Variants in KCNJ12 observed in about 807,000 individuals in gnomAD.
The protein encoded by KCNJ12 is potassium inwardly rectifying channel subfamily J member 12.
KCNJ12 carries 2 observed loss-of-function variants against 22.3 expected under a neutral mutation model. The observed-to-expected ratio is 0.09, with a 90% CI of 0.04 to 0.28. The LOEUF (loss-of-function observed/expected upper bound fraction) is 0.28, where lower values mean the gene tolerates loss of function less well. KCNJ12 is among the 10% of genes least tolerant of loss of function. The pLI, the probability that KCNJ12 is intolerant of heterozygous loss-of-function variation, is 1.00. For synonymous variants in KCNJ12, 117 were observed against 261.4 expected, an observed-to-expected ratio of 0.45 and a Z score of 5.33; for missense variants, 155 against 633.3, an observed-to-expected ratio of 0.24 and a Z score of 8.11.
intron 1 of KCNJ12, among the ~76,000 whole-genome samples, chr17:21,397,610 C>T (rs373306949): frequency 6.1e-4 from 93 of 152,324 alleles, no homozygotes; most frequent in Middle Eastern, 3.4e-3. Flanking sequence ...GCACTGGCCA[C>T]GGGCAGCGTG....
chr17:21,389,540 A>G (rs1320250), intron 1 of KCNJ12, among the ~76,000 whole-genome samples: 48,684 of 152,100 alleles, frequency 0.32, 10,593 homozygotes, highest in African/African-American at 0.62. Context: ...GGAGTAAGTC[A>G]ATGACTTACT....
intron 1 of KCNJ12, among the ~76,000 whole-genome samples, chr17:21,384,342 T>A (rs1904999644): frequency 6.6e-6 from 1 of 152,130 alleles, no homozygotes; most frequent in Non-Finnish European, 1.5e-5. Context: ...TGGGTTCTTT[T>A]CGTTGTCATT....
At chr17:21,377,429 GT>G (rs1567694282) in intron 1 of KCNJ12, among the ~76,000 whole-genome samples, 3 of 151,574 alleles carry the variant, frequency 2.0e-5, no homozygotes, top group Non-Finnish European at 2.9e-5. Context: ...CTCACCTCCC[GT>G]GCTGTAATGG....
At chr17:21,403,164 G>T (rs1489191778) in intron 1 of KCNJ12, among the ~76,000 whole-genome samples, 5 of 152,430 alleles carry the variant, frequency 3.3e-5, no homozygotes, top group Middle Eastern at 3.4e-3. Context: ...GAGAGGCAGA[G>T]AAAGGCATTT....
intron 1 of KCNJ12, among the ~76,000 whole-genome samples, chr17:21,391,611 ACTT>A (rs1212994245): frequency 4.0e-5 from 6 of 151,444 alleles, no homozygotes; most frequent in South Asian, 2.1e-4. Context: ...CTCCTCCTCC[ACTT>A]CTTCTTTGGA....
At chr17:21,407,810 TTCA>T (rs1906059847) in intron 1 of KCNJ12, among the ~76,000 whole-genome samples, 1 of 3,838 alleles carries the variant, frequency 2.6e-4, no homozygotes. Flanking sequence ...CACTCATCCA[TTCA>T]CCCATTCATC....
At chr17:21,404,645 A>T (rs2142065676) in intron 1 of KCNJ12, among the ~76,000 whole-genome samples, 1 of 152,364 alleles carries the variant, frequency 6.6e-6, no homozygotes, top group Middle Eastern at 3.4e-3. Flanking sequence ...CTAGGACTTA[A>T]CGGAGCCCAG....
At chr17:21,402,965 C>T (rs1905713378) in intron 1 of KCNJ12, among the ~76,000 whole-genome samples, 1 of 152,302 alleles carries the variant, frequency 6.6e-6, no homozygotes, top group Non-Finnish European at 1.5e-5. Context: ...GCCTCATTTC[C>T]TCCTCTCAAA....
Position 21,416,146 on chromosome 17 carries a change from C to T in KCNJ12, c.804C>T (p.Ile268=), listed in dbSNP as rs140687028. The T allele has an allele frequency of 1.6e-3, 2,661 of 1,613,364 alleles. No individual in the cohort carries two copies. The African/African-American group carries it at 0.032, about 19-fold the overall frequency. ...GLDRIFLVSP[I]TILHEIDEAS... is the part of the protein sequence containing the mutation. ...ACCGCATCTTTCTGGTGTCGCCCAT[C>T]ACCATCTTGCATGAGATTGACGAGG... The change falls in exon 3 of 3, where the codon ATC becomes ATT. Residue 268 remains isoleucine, a synonymous_variant. Coordinates refer to ENST00000583088, the MANE Select transcript of KCNJ12 (RefSeq NM_021012.5).
chr17:21,419,489 G>C lies in KCNJ12; in HGVS notation c.*2845G>C, dbSNP rs1367828242. The stretch of plus-strand genomic sequence containing the variant: ...GCACGTCTGCTCCTGAGTGGAGCTT[G>C]TGTTCCAGGATGAGACATCTGGAGG... On this transcript the variant is annotated 3_prime_UTR_variant, in exon 3 of 3. Transcript: ENST00000583088. 3.6e-5 allele frequency: 6 copies of C among 167,160 alleles called. No individual in the cohort carries two copies. Among genetic ancestry groups the C allele is most frequent in the African/African-American group, 1.4e-4 (6 of 41,434 alleles). The allele number at this position is 167,160 out of a possible 1,614,324, so 10.4% of individuals were successfully genotyped here. A position where few individuals can be genotyped will look rare whatever the true frequency, so the allele number is the denominator to read the frequency against.
intron 1 of KCNJ12, among the ~76,000 whole-genome samples, chr17:21,387,615 G>A (rs1402711057): frequency 6.6e-6 from 1 of 152,090 alleles, no homozygotes; most frequent in Non-Finnish European, 1.5e-5. Flanking sequence ...AGCTATGAAT[G>A]GTCCTTCCCC....
In KCNJ12 at chr17:21,416,547, A is replaced by C; in HGVS notation, c.1205A>C (p.Asp402Ala). 6.2e-7 allele frequency: 1 copy of C among 1,609,170 alleles called. No homozygotes were observed. The highest frequency in any genetic ancestry group is 1.3e-5 in the African/African-American group (1 of 75,024). The part of the protein sequence containing the change: ...ADGDQDGRSR[D>A]GLSPQARHDF... Reference sequence around the variant, plus strand: ...GGAGACCAGGACGGCCGAAGCCGGGACGGCCTCAGCCCCCAGGCCAGGCAT... The same window carrying C: ...GGAGACCAGGACGGCCGAAGCCGGGCCGGCCTCAGCCCCCAGGCCAGGCAT... Residue 402 changes from aspartate (D) to alanine (A), a missense_variant, in exon 3 of 3, where the codon GAC becomes GCC. Physicochemically the swap from Asp to Ala is moderately radical, Grantham distance 126 (BLOSUM62 -2). Transcript: ENST00000583088.
At chr17:21,399,017 C>G (rs143578529) in intron 1 of KCNJ12, among the ~76,000 whole-genome samples, 1 of 152,320 alleles carries the variant, frequency 6.6e-6, no homozygotes, top group Non-Finnish European at 1.5e-5. Flanking sequence ...CTGGCAGGAG[C>G]TGGGACCCAC....
intron 1 of KCNJ12, among the ~76,000 whole-genome samples, chr17:21,383,753 A>C (rs1253914806): frequency 2.0e-5 from 3 of 152,030 alleles, no homozygotes; most frequent in Non-Finnish European, 4.4e-5. Context: ...AGCTTTGAGG[A>C]TGCAGGATTT....
chr17:21,398,576 C>T (rs1555560147), intron 1 of KCNJ12, among the ~76,000 whole-genome samples: 1 of 152,150 alleles, frequency 6.6e-6, no homozygotes, highest in African/African-American at 2.4e-5. Flanking sequence ...TCAGCGGTGA[C>T]CTGCTCATCT....
At chr17:21,383,991 C>G (rs976096841) in intron 1 of KCNJ12, among the ~76,000 whole-genome samples, 1 of 152,066 alleles carries the variant, frequency 6.6e-6, no homozygotes, top group Admixed American at 6.5e-5. Flanking sequence ...TGAATTTCTC[C>G]TCCTCACCCC....
chr17:21,387,614 T>G (rs1157225996), intron 1 of KCNJ12, among the ~76,000 whole-genome samples: 3 of 152,158 alleles, frequency 2.0e-5, no homozygotes, highest in South Asian at 4.1e-4. Context: ...GAGCTATGAA[T>G]GGTCCTTCCC....
At chr17:21,406,601 C>G (rs1182723944) in intron 1 of KCNJ12, among the ~76,000 whole-genome samples, 2 of 152,290 alleles carry the variant, frequency 1.3e-5, no homozygotes, top group Admixed American at 6.5e-5. Context: ...GGCAGGCCAT[C>G]CCATTTCAGA....
chr17:21,382,647 C>T (rs540421865), intron 1 of KCNJ12, among the ~76,000 whole-genome samples: 1 of 152,328 alleles, frequency 6.6e-6, no homozygotes, highest in South Asian at 2.1e-4. Context: ...CTGCCCGTCC[C>T]TCCTCCCCTG....
Sources: gnomAD v4.1 joint callset for allele counts (sites outside exome capture counted in the v4.1 genomes callset) on GRCh38, gnomAD v4.1.1 for gene constraint, MANE v1.5 for transcripts, NCBI Gene and HGNC (gene_info 2026-07-23, HGNC 2026-07-21) for gene names.